Variants in AOAH observed in about 807,000 individuals in gnomAD.
AOAH encodes the protein acyloxyacyl hydrolase.
AOAH carries 64 observed loss-of-function variants against 92.2 expected under a neutral mutation model. The observed-to-expected ratio is 0.69, with a 90% confidence interval of 0.57 to 0.86. The LOEUF (loss-of-function observed/expected upper bound fraction) is 0.86. Among genes scored for constraint, AOAH ranks in the 40% least tolerant of loss-of-function variants. The pLI is 0.00. For missense variants in AOAH, 656 were observed against 694.6 expected, an observed-to-expected ratio of 0.94 and a Z score of 0.62; for synonymous variants, 263 against 254.5, an observed-to-expected ratio of 1.03 and a Z score of -0.32.
chr7:36,669,668 TCA>T (rs1312031824), intron 3 of AOAH, among the ~76,000 whole-genome samples: 1 of 152,100 alleles, frequency 6.6e-6, no homozygotes, highest in Non-Finnish European at 1.5e-5. Context: ...CAGGCATGAG[TCA>T]CAGAGTGCAG....
At chr7:36,699,214 C>T (rs1482139516) in intron 1 of AOAH, among the ~76,000 whole-genome samples, 1 of 152,072 alleles carries the variant, frequency 6.6e-6, no homozygotes, top group South Asian at 2.1e-4. Context: ...CATTGATGGG[C>T]ACTGAGGTTG....
intron 1 of AOAH, among the ~76,000 whole-genome samples, chr7:36,719,018 A>T (rs1395624056): frequency 6.6e-6 from 1 of 152,262 alleles, no homozygotes; most frequent in African/African-American, 2.4e-5. Context: ...CAACAATAAC[A>T]TAATCATAAT....
In AOAH at chr7:36,623,225, T is replaced by C. The variant is rs768941742; in HGVS notation, c.547A>G (p.Lys183Glu). ...CTGTATTTGTCTGAATCCACATCTTTGAATGGCACAGACTGTTCCATAGCT... is the reference window on the plus strand; with the variant it reads ...CTGTATTTGTCTGAATCCACATCTTCGAATGGCACAGACTGTTCCATAGCT... ...KLAMEQSVPF[K>E]DVDSDKYSVF... The change falls in exon 7 of 21, where the codon AAA (lysine) becomes GAA (glutamate). Residue 183 changes from lysine to glutamate, a missense_variant. Lys to Glu is a moderately conservative substitution (Grantham distance 56). Transcript: ENST00000617537. 1 of 1,614,138 alleles carries C rather than the reference T, an allele frequency of 6.2e-7. No individual in the cohort carries two copies. The highest frequency in any genetic ancestry group is 1.7e-5 in the Admixed American group (1 of 60,026).
chr7:36,615,719 CA>C (rs1214409483), intron 11 of AOAH, among the ~76,000 whole-genome samples: 2 of 152,284 alleles, frequency 1.3e-5, no homozygotes, highest in Non-Finnish European at 2.9e-5. Flanking sequence ...ACAGGGTTGC[CA>C]TTATATGTCT....
chr7:36,602,850 C>T (rs1350151342), intron 11 of AOAH, among the ~76,000 whole-genome samples: 1 of 152,214 alleles, frequency 6.6e-6, no homozygotes. Flanking sequence ...CTCACCAGGA[C>T]TGACCTGGGC....
chr7:36,530,441 T>C lies in AOAH; in HGVS notation c.1499A>G (p.Tyr500Cys), dbSNP rs752379207. The change falls in exon 19 of 21, where the codon TAC becomes TGC. Residue 500 changes from tyrosine to cysteine, a missense_variant. Coordinates refer to ENST00000617537, the MANE Select transcript of AOAH (RefSeq NM_001637.4). ...SEKFTNFNLFYMDFAFHEIIQ... is the reference protein window; with the variant it reads ...SEKFTNFNLFCMDFAFHEIIQ... ...ACTTTCATGGAAGGCAAAATCCATGTAGAAAAGATTGAAGTTTGTAAATTT... is the reference window on the plus strand; with the variant it reads ...ACTTTCATGGAAGGCAAAATCCATGCAGAAAAGATTGAAGTTTGTAAATTT... 3 of 1,613,266 alleles carry C rather than the reference T, an allele frequency of 1.9e-6. No homozygotes were observed. Among genetic ancestry groups the C allele is most frequent in the South Asian group, 2.2e-5 (2 of 91,062 alleles).
chr7:36,581,655 A>T (rs1788938318), intron 12 of AOAH, among the ~76,000 whole-genome samples: 1 of 152,196 alleles, frequency 6.6e-6, no homozygotes, highest in Admixed American at 6.5e-5. Context: ...TGGAATTTAT[A>T]TACCAAAATA....
At chr7:36,621,895 C>A in intron 7 of AOAH, 115 bp from the exon 8 acceptor site, 1 of 869,676 alleles carries the variant, frequency 1.1e-6, no homozygotes, top group South Asian at 1.3e-5. Flanking sequence ...AATTCAGATT[C>A]AATCTAGGAT....
At chr7:36,573,196 G>A (rs367690952) in intron 13 of AOAH, among the ~76,000 whole-genome samples, 29 of 152,334 alleles carry the variant, frequency 1.9e-4, no homozygotes, top group African/African-American at 6.7e-4. Flanking sequence ...CCATCTTAGA[G>A]AAGGACCAGA....
At chr7:36,618,557 A>T (rs1792058404) in intron 9 of AOAH, among the ~76,000 whole-genome samples, 1 of 152,226 alleles carries the variant, frequency 6.6e-6, no homozygotes, top group Non-Finnish European at 1.5e-5. Context: ...AGAGCCAGAC[A>T]CTGAACCATT....
intron 13 of AOAH, among the ~76,000 whole-genome samples, chr7:36,551,670 T>C (rs1786272246): frequency 6.6e-6 from 1 of 152,200 alleles, no homozygotes; most frequent in African/African-American, 2.4e-5. Flanking sequence ...TCAAGCTTCA[T>C]TCATAACACA....
intron 13 of AOAH, among the ~76,000 whole-genome samples, chr7:36,552,592 A>G (rs533343831): frequency 3.9e-4 from 60 of 152,324 alleles, no homozygotes; most frequent in African/African-American, 1.3e-3. Context: ...GTCCTCCACA[A>G]TGGTTGAACT....
Position 36,655,942 on chromosome 7 carries a change from T to C in AOAH, c.390+3224A>G, listed in dbSNP as rs189753925. 1.8e-3 allele frequency among the ~76,000 whole-genome samples: 279 copies of C among 152,182 alleles called. 1 individual carries two copies. Among genetic ancestry groups the C allele is most frequent in the African/African-American group, 6.1e-3 (255 of 41,522 alleles). On this transcript the variant is annotated intron_variant, in intron 4 of 20. Transcript: ENST00000617537. ...GAGCTATGATAAGAGGGCTATCTAA[T>C]AGGGCCCGCCTCCCTGAAGAAGTGA... is the stretch of plus-strand genomic sequence containing the variant.
At chr7:36,602,300 C>A in intron 11 of AOAH, among the ~76,000 whole-genome samples, 1 of 151,974 alleles carries the variant, frequency 6.6e-6, no homozygotes, top group South Asian at 2.1e-4. Context: ...TTTTCCTTTT[C>A]TATTATTTAT....
intron 19 of AOAH, among the ~76,000 whole-genome samples, chr7:36,526,133 G>A (rs1784385600): frequency 6.6e-6 from 1 of 152,134 alleles, no homozygotes. Context: ...TCTACATTAG[G>A]CAGCAACTAC....
intron 1 of AOAH, among the ~76,000 whole-genome samples, chr7:36,691,619 T>C (rs779524148): frequency 9.9e-5 from 15 of 152,148 alleles, no homozygotes; most frequent in Non-Finnish European, 2.2e-4. Flanking sequence ...AAATACCCCT[T>C]CTATTACTTA....
chr7:36,693,513 GT>G lies in AOAH; in HGVS notation c.128-6720del, dbSNP rs1370273392. On this transcript the variant is annotated intron_variant, in intron 1 of 20. Transcript: ENST00000617537. ...CCACAGAATTTTATCCAAATTTAAT[GT>G]ATTTTTATAGTTGAAATTATTTTTT... 2.3e-5 allele frequency among the ~76,000 whole-genome samples: 3 copies of G among 128,052 alleles called. No individual in the cohort carries two copies. In the East Asian group the frequency reaches 8.8e-4, roughly 38 times the overall value. 84.0% of individuals were successfully genotyped at this position (128,052 alleles called of 152,430 possible).
intron 12 of AOAH, among the ~76,000 whole-genome samples, chr7:36,580,336 T>C (rs757741064): frequency 6.6e-6 from 1 of 152,210 alleles, no homozygotes; most frequent in Non-Finnish European, 1.5e-5. Flanking sequence ...TTTCTATGAA[T>C]GTCGTCTGCT....
chr7:36,648,751 T>A (rs944899403), intron 4 of AOAH, among the ~76,000 whole-genome samples: 52 of 152,160 alleles, frequency 3.4e-4, no homozygotes, highest in African/African-American at 1.2e-3. Context: ...CTGTATTTAT[T>A]GAGTAATCCA....
Sources: gnomAD v4.1 joint callset for allele counts (sites outside exome capture counted in the v4.1 genomes callset) on GRCh38, gnomAD v4.1.1 for gene constraint, MANE v1.5 for transcripts, NCBI Gene and HGNC (gene_info 2026-07-23, HGNC 2026-07-21) for gene names.